The following GRIP2 variants were observed in gnomAD, a reference collection of about 807,000 sequenced individuals.
GRIP2 encodes the protein glutamate receptor interacting protein 2, also known as glutamate receptor-interacting protein 2.
GRIP2 carries 58 observed loss-of-function variants against 108.3 expected under a neutral mutation model. That is an observed-to-expected ratio of 0.54 (90% CI 0.43 to 0.67). The LOEUF (loss-of-function observed/expected upper bound fraction) is 0.67. Ranked by LOEUF, GRIP2 falls within the 30% of genes least tolerant of loss-of-function variation. The pLI is 0.00. For synonymous variants in GRIP2, 586 were observed against 598.2 expected, an observed-to-expected ratio of 0.98 and a Z score of 0.30; for missense variants, 1,278 against 1,430.6, an observed-to-expected ratio of 0.89 and a Z score of 1.72.
the GRIP2 span, among the ~76,000 whole-genome samples, chr3:14,595,633 T>C: frequency 9.3e-3 from 1,412 of 152,344 alleles, 23 homozygotes; most frequent in African/African-American, 0.032. Context: ...AGGCACTGTC[T>C]GAGACACCCA....
chr3:14,523,974 C>T (rs1041478165), intron 4 of GRIP2: 5 of 519,022 alleles, frequency 9.6e-6, no homozygotes. Context: ...TAGGCTCAGG[C>T]CAGGGCTGAA....
chr3:14,562,360 G>C, the GRIP2 span, among the ~76,000 whole-genome samples: 1 of 152,152 alleles, frequency 6.6e-6, no homozygotes, highest in Non-Finnish European at 1.5e-5. Flanking sequence ...GTCTCCCACC[G>C]GCCAAATCTG....
intron 1 of GRIP2, among the ~76,000 whole-genome samples, chr3:14,535,653 A>T (rs973895410): frequency 2.6e-5 from 4 of 152,250 alleles, no homozygotes; most frequent in African/African-American, 9.6e-5. Context: ...GGGCAGGGCC[A>T]GGGTTTGAAC....
the GRIP2 span, chr3:14,573,734 C>T: frequency 0.14 from 210,567 of 1,456,644 alleles, 16,363 homozygotes; most frequent in African/African-American, 0.23. Context: ...CACGGGGGTC[C>T]TCCCAAGAGG....
At chr3:14,570,962 A>G in the GRIP2 span, among the ~76,000 whole-genome samples, 1 of 152,066 alleles carries the variant, frequency 6.6e-6, no homozygotes, top group Admixed American at 6.5e-5. Context: ...GGACCAGACA[A>G]TTCTTTGTGG....
intron 19 of GRIP2, among the ~76,000 whole-genome samples, chr3:14,506,400 G>C (rs1423692270): frequency 6.6e-6 from 1 of 152,230 alleles, no homozygotes; most frequent in Admixed American, 6.5e-5. Context: ...GGTCTTGTAG[G>C]CTGGGGTGGG....
the GRIP2 span, among the ~76,000 whole-genome samples, chr3:14,600,639 C>A: frequency 6.6e-6 from 1 of 152,330 alleles, no homozygotes; most frequent in Admixed American, 6.5e-5. Flanking sequence ...CTGGGCCTGG[C>A]TGACCTCTCC....
At chr3:14,532,717 G>C (rs911809130) in intron 1 of GRIP2, among the ~76,000 whole-genome samples, 7 of 151,974 alleles carry the variant, frequency 4.6e-5, no homozygotes, top group Admixed American at 4.6e-4. Context: ...GTTAAGGGCG[G>C]GGCTCAGACT....
upstream of GRIP2, among the ~76,000 whole-genome samples, chr3:14,540,835 A>G (rs1290850112): frequency 6.6e-6 from 1 of 152,144 alleles, no homozygotes; most frequent in Non-Finnish European, 1.5e-5. This position sits in a 1 kb window ranked among gnomAD's most constrained non-coding sequence, Gnocchi z 4.1. Flanking sequence ...GAAACCCTTG[A>G]GCTTGGAGAC....
Position 14,521,937 on chromosome 3 carries a change from T to G in GRIP2, c.567-150A>C, listed in dbSNP as rs908189811. ...AGGAGGGGACGGGTGAAGGGGCGCA[T>G]GAGTGAGTGAAGGAATGAGCCACTC... On this transcript the variant is annotated intron_variant, in intron 6 of 23. Coordinates refer to ENST00000621039, the MANE Select transcript of GRIP2 (RefSeq NM_001080423.4). The surrounding 1 kb of genome is among the most constrained non-coding windows in gnomAD (Gnocchi z 5.1). 4 of 669,518 alleles carry G rather than the reference T, an allele frequency of 6.0e-6. No homozygotes were observed. The highest frequency in any genetic ancestry group is 2.2e-5 in the South Asian group (1 of 45,424). 41.5% of individuals were successfully genotyped at this position (669,518 alleles called of 1,614,324 possible).
At chr3:14,499,914 T>C (rs1693722292) in intron 21 of GRIP2, among the ~76,000 whole-genome samples, 1 of 152,212 alleles carries the variant, frequency 6.6e-6, no homozygotes, top group African/African-American at 2.4e-5. Context: ...AATCTCATAA[T>C]GTTTTAAGAA....
rs1378944599 is a variant in GRIP2, at chr3:14,505,355, T to A, written c.2573+260A>T. On this transcript the variant is annotated intron_variant, in intron 20 of 23. Transcript: ENST00000621039. This position sits in a 1 kb window ranked among gnomAD's most constrained non-coding sequence, Gnocchi z 4.2. The stretch of plus-strand genomic sequence containing the variant: ...CTGCTGCTCTTCTGAGAACAGGAGA[T>A]GACCAAAGTTGGGAAGGGCAAACCA... 2.0e-5 allele frequency among the ~76,000 whole-genome samples: 3 copies of A among 152,100 alleles called. No homozygotes were observed. The highest frequency in any genetic ancestry group is 2.9e-5 in the Non-Finnish European group (2 of 67,984).
the GRIP2 span, chr3:14,573,434 G>C: frequency 2.8e-6 from 4 of 1,438,902 alleles, no homozygotes; most frequent in Non-Finnish European, 3.9e-6. Flanking sequence ...TGGTGTGCAG[G>C]AAGAGGGACA....
chr3:14,599,202 A>C, the GRIP2 span, among the ~76,000 whole-genome samples: 1 of 152,284 alleles, frequency 6.6e-6, no homozygotes, highest in East Asian at 1.9e-4. Context: ...CATGAATGAA[A>C]AGTTGTTTCC....
chr3:14,525,633 T>C, intron 2 of GRIP2, 61 bp from the exon 3 acceptor site: 1 of 1,598,344 alleles, frequency 6.3e-7, no homozygotes, highest in Non-Finnish European at 8.6e-7. Flanking sequence ...GGCCCCCAGC[T>C]CTAAGATAAG....
chr3:14,545,953 C>T (rs1349105012), upstream of GRIP2, among the ~76,000 whole-genome samples: 1 of 152,182 alleles, frequency 6.6e-6, no homozygotes. Context: ...GCAAGAAAGA[C>T]AGACAGACGG....
intron 1 of GRIP2, among the ~76,000 whole-genome samples, chr3:14,554,424 CTGAACAGAGGA>C (rs59909727): frequency 0.039 from 5,975 of 152,294 alleles, 397 homozygotes; most frequent in African/African-American, 0.13. Flanking sequence ...GTCTGTGGAC[CTGAACAGAGGA>C]CAGCAGCCTC....
chr3:14,580,223 C>T, the GRIP2 span, among the ~76,000 whole-genome samples: 1 of 152,230 alleles, frequency 6.6e-6, no homozygotes, highest in Non-Finnish European at 1.5e-5. Context: ...GTGCCAAGTC[C>T]TGGTGGCCCC....
chr3:14,598,885 C>G, the GRIP2 span, among the ~76,000 whole-genome samples: 1 of 152,144 alleles, frequency 6.6e-6, no homozygotes, highest in Non-Finnish European at 1.5e-5. Context: ...TCCTTCTGCT[C>G]TTGGTGTGGC....
Sources: gnomAD v4.1 joint callset for allele counts (sites outside exome capture counted in the v4.1 genomes callset) on GRCh38, gnomAD v4.1.1 for gene constraint, Gnocchi (gnomAD v3.1) non-coding constraint, MANE v1.5 for transcripts, NCBI Gene and HGNC (gene_info 2026-07-23, HGNC 2026-07-21) for gene names.